The following IQANK1 variants were observed in gnomAD, a reference collection of about 807,000 sequenced individuals.
The protein encoded by IQANK1 is IQ motif and ankyrin repeat containing 1, also known as IQ motif and ankyrin repeat domain-containing protein 1.
A neutral mutation model predicts 22.6 loss-of-function variants in IQANK1; 30 were observed. The ratio of observed to expected loss-of-function variants is 1.33; its 90% CI spans 0.99 to 1.80. The LOEUF (loss-of-function observed/expected upper bound fraction) is 1.80, where lower values mean the gene tolerates loss of function less well. IQANK1 is among the 40% of genes most tolerant of loss of function. IQANK1 has a pLI of 0.00. For synonymous variants in IQANK1, 122 were observed against 99.6 expected (o/e 1.23, Z -1.34); for missense variants, 275 against 235.2 (o/e 1.17, Z -1.11).
In IQANK1 at chr8:143,789,887, C is replaced by T. The variant is rs1050714391; in HGVS notation, c.1195+18C>T. 4.7e-5 allele frequency: 58 copies of T among 1,231,824 alleles called. No homozygotes were observed. The highest frequency in any genetic ancestry group is 5.5e-5 in the Non-Finnish European group (54 of 987,916). 76.3% of individuals were successfully genotyped at this position (1,231,824 alleles called of 1,614,324 possible). ...GCAGGAGGGTGGGCCTGGCATGGGG[C>T]GCCGGCTGGGGGCTGGGACATACAG... is the stretch of plus-strand genomic sequence containing the variant. On this transcript the variant is annotated intron_variant, in intron 11 of 13. Coordinates refer to ENST00000527139, the MANE Select transcript of IQANK1 (RefSeq NM_001381874.1).
chr8:143,771,453 G>C lies in IQANK1; in HGVS notation c.176-35G>C. On this transcript the variant is annotated intron_variant, in intron 3 of 13. Transcript: ENST00000527139. The surrounding 1 kb of genome is among the most constrained non-coding windows in gnomAD (Gnocchi z 6.0). ...GGGCGCAGCAGGCGTGGCTGGAGGC[G>C]AGAACGCGCCCCCGTGAGCCTCTCC... 2.5e-6 allele frequency: 1 copy of C among 397,300 alleles called. No homozygotes were observed. The allele number at this position is 397,300 out of a possible 1,614,324, so 24.6% of individuals were successfully genotyped here.
In IQANK1 at chr8:143,771,531, C is replaced by T. The variant is rs781952666; in HGVS notation, c.219C>T (p.Phe73=). 6 of 398,156 alleles carry T rather than the reference C, an allele frequency of 1.5e-5. No homozygotes were observed. The highest frequency in any genetic ancestry group is 7.1e-5 in the East Asian group (2 of 28,038). 24.7% of individuals were successfully genotyped at this position (398,156 alleles called of 1,614,324 possible). ...DRAARAIQGA[F]RQLRARRELA... ...CGGCCAGAGCGATCCAGGGCGCCTT[C>T]CGGCAGCTCCGGGCCAGGAGGGAGC... The change falls in exon 4 of 14, where the codon TTC becomes TTT. Residue 73 remains phenylalanine (F), a synonymous_variant. Coordinates refer to ENST00000527139, the MANE Select transcript of IQANK1 (RefSeq NM_001381874.1). This position sits in a 1 kb window ranked among gnomAD's most constrained non-coding sequence, Gnocchi z 6.0.
intron 3 of IQANK1, among the ~76,000 whole-genome samples, chr8:143,740,830 G>T (rs7006945): frequency 0.21 from 31,300 of 152,158 alleles, 3,588 homozygotes; most frequent in East Asian, 0.51. Context: ...CTGTCCTGAG[G>T]ACGGGAGTAG....
chr8:143,773,820 A>G (rs1021794082), intron 7 of IQANK1, among the ~76,000 whole-genome samples: 1 of 152,100 alleles, frequency 6.6e-6, no homozygotes, highest in Non-Finnish European at 1.5e-5. Flanking sequence ...GGGGCTGAGG[A>G]TACGGTGAGG....
intron 7 of IQANK1, among the ~76,000 whole-genome samples, chr8:143,772,876 C>T (rs1819609076): frequency 6.6e-6 from 1 of 152,200 alleles, no homozygotes; most frequent in Admixed American, 6.5e-5. Context: ...TGGCAGAGCT[C>T]ACGGCGCTGG....
At chr8:143,756,832 G>T (rs1819301444) in intron 3 of IQANK1, among the ~76,000 whole-genome samples, 1 of 150,386 alleles carries the variant, frequency 6.6e-6, no homozygotes, top group Non-Finnish European at 1.5e-5. Flanking sequence ...AAAAAAAGTA[G>T]CTGGGTGTGG....
Position 143,751,664 on chromosome 8 carries a change from G to GTGTGTATA in IQANK1, c.175+11717_175+11718insGTGTATAT, listed in dbSNP as rs370428606. 1.9e-3 allele frequency among the ~76,000 whole-genome samples: 118 copies of GTGTGTATA among 61,546 alleles called. 1 individual carries two copies. Among genetic ancestry groups the GTGTGTATA allele is most frequent in the East Asian group, 9.1e-3 (24 of 2,650 alleles). The allele number at this position is 61,546 out of a possible 152,430, so 40.4% of individuals were successfully genotyped here. The stretch of plus-strand genomic sequence containing the variant: ...TGTGTGTGTGTGTGTGTGTGTGTGT[G>GTGTGTATA]TATATATATATATAAAATCCTATAC... On this transcript the variant is annotated intron_variant, in intron 3 of 13. Coordinates refer to ENST00000527139, the MANE Select transcript of IQANK1 (RefSeq NM_001381874.1).
At chr8:143,767,871 C>A (rs1272694539) in intron 3 of IQANK1, among the ~76,000 whole-genome samples, 1 of 124,000 alleles carries the variant, frequency 8.1e-6, no homozygotes, top group Non-Finnish European at 1.6e-5. Flanking sequence ...GACGATGGAG[C>A]GAGACCTTTT....
At chr8:143,761,056 T>C (rs1333537167) in intron 3 of IQANK1, among the ~76,000 whole-genome samples, 1 of 152,158 alleles carries the variant, frequency 6.6e-6, no homozygotes, top group Non-Finnish European at 1.5e-5. Context: ...AGACCCATCC[T>C]GAACCAGGGC....
intron 10 of IQANK1, 26 bp downstream of exon 10, chr8:143,789,554 T>G (rs1451754327): frequency 8.1e-7 from 1 of 1,231,980 alleles, no homozygotes; most frequent in African/African-American, 1.6e-5. Flanking sequence ...GGACTTGATA[T>G]GCCCCTGCGT....
intron 3 of IQANK1, among the ~76,000 whole-genome samples, chr8:143,768,506 C>T (rs1279776320): frequency 6.6e-6 from 1 of 152,094 alleles, no homozygotes; most frequent in Non-Finnish European, 1.5e-5. Context: ...AAACGTGCGC[C>T]GGCGGACATA....
rs1219392330 is a variant in IQANK1 at position 143,773,530 on chromosome 8, TC to T, written c.789+1053del. 1.2e-4 allele frequency among the ~76,000 whole-genome samples: 18 copies of T among 151,980 alleles called. No individual in the cohort carries two copies. In the East Asian group the frequency reaches 3.3e-3, roughly 28 times the overall value. ...CCCTCTCCCATCTCAGTCATTATGT[TC>T]CCCCACCCCACCCCTAACCTCACCC... is the stretch of plus-strand genomic sequence containing the variant. On this transcript the variant is annotated intron_variant, in intron 7 of 13. Coordinates refer to ENST00000527139, the MANE Select transcript of IQANK1 (RefSeq NM_001381874.1).
chr8:143,764,062 G>A (rs1448242492), intron 3 of IQANK1, among the ~76,000 whole-genome samples: 1 of 152,080 alleles, frequency 6.6e-6, no homozygotes, highest in Non-Finnish European at 1.5e-5. Context: ...CAAGGACCAT[G>A]CCTTGTTTAA....
rs1200534038 is a variant in IQANK1 at position 143,735,424 on chromosome 8, G to A, written c.-4-426G>A. Among the ~76,000 whole-genome samples the A allele has an allele frequency of 6.6e-6, 1 of 152,176 alleles. No homozygotes were observed. The highest frequency in any genetic ancestry group is 2.4e-5 in the African/African-American group (1 of 41,432). ...GGGCTGGGGAGCAGGCTCAGGGGTG[G>A]GCTGGCTTCCCAGGGCAGTGGAGAG... On this transcript the variant is annotated intron_variant, in intron 1 of 13. Transcript: ENST00000527139. The surrounding 1 kb of genome is among the most constrained non-coding windows in gnomAD (Gnocchi z 5.2).
intron 7 of IQANK1, among the ~76,000 whole-genome samples, chr8:143,782,501 A>G (rs1383230367): frequency 6.6e-6 from 1 of 151,630 alleles, no homozygotes; most frequent in Non-Finnish European, 1.5e-5. Context: ...TTTTTGAGAC[A>G]GAGTTTCGCT....
At chr8:143,744,659 C>G (rs868977688) in intron 3 of IQANK1, 25 of 152,166 alleles carry the variant, frequency 1.6e-4, no homozygotes, top group Middle Eastern at 3.2e-3. Context: ...CTTCCCTGGT[C>G]TCTGATGTTG....
At chr8:143,778,783 T>C (rs1176634105) in intron 7 of IQANK1, among the ~76,000 whole-genome samples, 1 of 152,208 alleles carries the variant, frequency 6.6e-6, no homozygotes, top group Non-Finnish European at 1.5e-5. Context: ...TTTATTTATT[T>C]AGAGATGGAG....
Position 143,774,744 on chromosome 8 carries a change from C to T in IQANK1, c.789+2262C>T, listed in dbSNP as rs150171107. On this transcript the variant is annotated intron_variant, in intron 7 of 13. Transcript: ENST00000527139. The surrounding 1 kb of genome is among the most constrained non-coding windows in gnomAD (Gnocchi z 4.2). ...ATTTACAATAGCCAAAAAGTGGAAA[C>T]GACTCAGATGTCCTCCAGCAGGCGA... Among the ~76,000 whole-genome samples, 878 of 152,320 alleles carry T rather than the reference C, an allele frequency of 5.8e-3. 2 individuals are homozygous for T. Among genetic ancestry groups the T allele is most frequent in the African/African-American group, 0.018 (740 of 41,562 alleles).
rs782195257 is a variant in IQANK1, at chr8:143,735,862, TAAG to T, written c.13_15del (p.Lys5del). 1.2e-4 allele frequency: 87 copies of T among 702,222 alleles called. No homozygotes were observed. Among genetic ancestry groups the T allele is most frequent in the Admixed American group, 4.2e-4 (21 of 49,956 alleles). The allele number at this position is 702,222 out of a possible 1,614,324, so 43.5% of individuals were successfully genotyped here. ...ACCCACCCCCCAGGAGAATGGACAG[TAAG>T]AAGGGGAGACCCAAAGCTGCAGCTG... On this transcript the variant is annotated inframe_deletion, in exon 2 of 14. Transcript: ENST00000527139. This position sits in a 1 kb window ranked among gnomAD's most constrained non-coding sequence, Gnocchi z 5.2.
Sources: gnomAD v4.1 joint callset for allele counts (sites outside exome capture counted in the v4.1 genomes callset) on GRCh38, gnomAD v4.1.1 for gene constraint, Gnocchi (gnomAD v3.1) non-coding constraint, MANE v1.5 for transcripts, NCBI Gene and HGNC (gene_info 2026-07-23, HGNC 2026-07-21) for gene names.